Variants in NOP58 observed in about 807,000 individuals in gnomAD.
NOP58 encodes the protein nucleolar protein 58.
A neutral mutation model predicts 71.2 loss-of-function variants in NOP58; 44 were observed. That is an observed-to-expected ratio of 0.62 (90% CI 0.49 to 0.79). NOP58 has a LOEUF of 0.79. NOP58 is among the 30% of genes least tolerant of loss of function. The probability of loss-of-function intolerance (pLI) is 0.00; values close to 1 mark genes in which losing one functional copy is unlikely to be tolerated. For synonymous variants in NOP58, 228 were observed against 200.3 expected (o/e 1.14, Z -1.17); for missense variants, 538 against 620.2 (o/e 0.87, Z 1.41).
intron 10 of NOP58, 77 bp from the exon 11 acceptor site, chr2:202,297,302 C>G (rs1689010806): frequency 6.8e-6 from 9 of 1,325,988 alleles, no homozygotes; most frequent in Non-Finnish European, 9.5e-6. Flanking sequence ...TTTTATAACT[C>G]CTGATTTTAA....
chr2:202,302,800 CA>C, intron 13 of NOP58, 120 bp from the exon 14 acceptor site: 1 of 1,350,472 alleles, frequency 7.4e-7, no homozygotes, highest in Non-Finnish European at 9.9e-7. Context: ...ATAAAATAAA[CA>C]AAACAAACAT....
chr2:202,280,319 C>CA (rs1380048337), intron 3 of NOP58, among the ~76,000 whole-genome samples: 1 of 151,768 alleles, frequency 6.6e-6, no homozygotes, highest in Non-Finnish European at 1.5e-5. Flanking sequence ...GACCCCCTCT[C>CA]AAAAAAGATT....
intron 12 of NOP58, among the ~76,000 whole-genome samples, chr2:202,299,210 G>A (rs566407320): frequency 1.3e-5 from 2 of 152,074 alleles, no homozygotes; most frequent in African/African-American, 2.4e-5. Flanking sequence ...CGCCCGCCTT[G>A]GCCTCCCAAA....
chr2:202,288,011 G>A (rs996736943), intron 6 of NOP58, among the ~76,000 whole-genome samples: 1 of 152,104 alleles, frequency 6.6e-6, no homozygotes, highest in Non-Finnish European at 1.5e-5. Flanking sequence ...CTACTCAGGA[G>A]GCTGAGGCAG....
At chr2:202,302,272 T>C (rs1355164534) in intron 13 of NOP58, among the ~76,000 whole-genome samples, 1 of 151,898 alleles carries the variant, frequency 6.6e-6, no homozygotes, top group Non-Finnish European at 1.5e-5. Context: ...GTATTTTTAT[T>C]AGATACAGGA....
intron 8 of NOP58, among the ~76,000 whole-genome samples, chr2:202,292,562 C>T (rs751268004): frequency 6.6e-6 from 1 of 151,668 alleles, no homozygotes; most frequent in Non-Finnish European, 1.5e-5. Flanking sequence ...CACTTGAGCC[C>T]GGGAGGCGGA....
At chr2:202,269,199 T>C (rs2105835095) in intron 1 of NOP58, among the ~76,000 whole-genome samples, 1 of 151,708 alleles carries the variant, frequency 6.6e-6, no homozygotes, top group Admixed American at 6.6e-5. Context: ...TGAGATGGAG[T>C]CTCACTCTGT....
intron 2 of NOP58, 166 bp downstream of exon 2, chr2:202,275,355 G>T (rs1688574328): frequency 3.7e-6 from 2 of 537,690 alleles, no homozygotes; most frequent in South Asian, 2.4e-5. Context: ...GTTTTACTTG[G>T]AATATAGGCC....
At chr2:202,302,336 C>T (rs148718896) in intron 13 of NOP58, among the ~76,000 whole-genome samples, 2 of 152,146 alleles carry the variant, frequency 1.3e-5, no homozygotes, top group African/African-American at 2.4e-5. Flanking sequence ...GTGATCCTCC[C>T]GCCTCAGCCT....
At chr2:202,284,691 T>G (rs1172574347) in intron 5 of NOP58, 7 of 487,628 alleles carry the variant, frequency 1.4e-5, no homozygotes, top group Non-Finnish European at 2.2e-5. Context: ...CCAGGCAGTC[T>G]GGCTCTATTG....
At chr2:202,268,483 T>C (rs1688454449) in intron 1 of NOP58, among the ~76,000 whole-genome samples, 1 of 150,592 alleles carries the variant, frequency 6.6e-6, no homozygotes, top group Admixed American at 6.6e-5. Flanking sequence ...TGTGGTGAGC[T>C]GAGATCGTGC....
At chr2:202,277,188 G>A (rs893743925) in intron 2 of NOP58, among the ~76,000 whole-genome samples, 3 of 152,170 alleles carry the variant, frequency 2.0e-5, no homozygotes, top group Admixed American at 6.5e-5. Context: ...TTGGGAGGCT[G>A]AGGCAGGAGA....
chr2:202,301,983 CTT>C (rs1334615103), intron 13 of NOP58, among the ~76,000 whole-genome samples: 1 of 151,372 alleles, frequency 6.6e-6, no homozygotes, highest in Non-Finnish European at 1.5e-5. Context: ...ATTTTTGCCT[CTT>C]GTGCCTTGCT....
Position 202,277,948 on chromosome 2 carries a change from A to T in NOP58, c.123-2A>T, listed in dbSNP as rs1166790948. ...GTTTATCTCTTTTTTTTTTAATTCT[A>T]GAGTAAAGCTAAAACATTTTGAGAA... On this transcript the variant is annotated splice_acceptor_variant, in intron 2 of 14. Coordinates refer to ENST00000264279, the MANE Select transcript of NOP58 (RefSeq NM_015934.5). LOFTEE classifies it high-confidence loss of function. The T allele has an allele frequency of 6.9e-7, 1 of 1,449,996 alleles. No individual in the cohort carries two copies. Among genetic ancestry groups the T allele is most frequent in the Admixed American group, 1.9e-5 (1 of 52,942 alleles). The allele number at this position is 1,449,996 out of a possible 1,614,324, so 89.8% of individuals were successfully genotyped here.
At chr2:202,297,176 C>T (rs1689007963) in intron 10 of NOP58, among the ~76,000 whole-genome samples, 1 of 152,134 alleles carries the variant, frequency 6.6e-6, no homozygotes, top group South Asian at 2.1e-4. Flanking sequence ...TAATATTTGA[C>T]ATGAATTGCT....
rs151030200 is a variant in NOP58, at chr2:202,298,390, C to G, written c.1268+484C>G. Among the ~76,000 whole-genome samples the G allele has an allele frequency of 1.9e-4, 29 of 152,260 alleles. No homozygotes were observed. In the East Asian group the frequency reaches 5.2e-3, roughly 27 times the overall value. Reference sequence around the variant, plus strand: ...ACTCAGCCGGGCACAGTGGCTCATGCCTGTAATCCCAGCACTTTGGGAGGC... The same window carrying G: ...ACTCAGCCGGGCACAGTGGCTCATGGCTGTAATCCCAGCACTTTGGGAGGC... On this transcript the variant is annotated intron_variant, in intron 12 of 14. Coordinates refer to ENST00000264279, the MANE Select transcript of NOP58 (RefSeq NM_015934.5).
chr2:202,286,458 T>C (rs536556072), intron 5 of NOP58, among the ~76,000 whole-genome samples: 1 of 151,920 alleles, frequency 6.6e-6, no homozygotes, highest in South Asian at 2.1e-4. Flanking sequence ...TGAGTGGAGA[T>C]TGCTCCACTG....
intron 9 of NOP58, 105 bp downstream of exon 9, chr2:202,293,008 T>C (rs184843039): frequency 2.5e-6 from 3 of 1,224,072 alleles, no homozygotes; most frequent in African/African-American, 1.5e-5. Flanking sequence ...TTTTAGCTGA[T>C]AACACAAAAG....
intron 1 of NOP58, among the ~76,000 whole-genome samples, chr2:202,273,419 T>A (rs1413693516): frequency 6.6e-6 from 1 of 152,220 alleles, no homozygotes; most frequent in Non-Finnish European, 1.5e-5. Flanking sequence ...TTTTTAATCA[T>A]TTCTTTTCAG....
Sources: gnomAD v4.1 joint callset for allele counts (sites outside exome capture counted in the v4.1 genomes callset) on GRCh38, gnomAD v4.1.1 for gene constraint, MANE v1.5 for transcripts, NCBI Gene and HGNC (gene_info 2026-07-23, HGNC 2026-07-21) for gene names.